The following MROH2B variants were observed in gnomAD, a reference collection of about 807,000 sequenced individuals.
The protein encoded by MROH2B is maestro heat-like repeat-containing protein family member 2B.
MROH2B carries 177 observed loss-of-function variants against 208.6 expected under a neutral mutation model. The ratio of observed to expected loss-of-function variants is 0.85; its 90% CI spans 0.75 to 0.96. The LOEUF (loss-of-function observed/expected upper bound fraction) is 0.96, where lower values mean the gene tolerates loss of function less well. Among genes scored for constraint, MROH2B ranks in the 40% least tolerant of loss-of-function variants. MROH2B has a pLI of 0.00. For synonymous variants in MROH2B, 728 were observed against 659.0 expected (o/e 1.10, Z -1.60); for missense variants, 2,002 against 1,878.7 (o/e 1.07, Z -1.21).
At position 40,998,022 on chromosome 5, in the gene MROH2B, G is replaced by A; in HGVS notation, c.*30C>T. On this transcript the variant is annotated 3_prime_UTR_variant, in exon 42 of 42. Coordinates refer to ENST00000399564, the MANE Select transcript of MROH2B (RefSeq NM_173489.5). ...AGGATGAAGACAGGAGTCAGATATA[G>A]GAAAAGCCAGCAGTTTATTTCTTGA... The A allele has an allele frequency of 1.3e-6, 2 of 1,514,996 alleles. No individual in the cohort carries two copies. Among genetic ancestry groups the A allele is most frequent in the Non-Finnish European group, 1.8e-6 (2 of 1,095,762 alleles). 93.8% of individuals were successfully genotyped at this position (1,514,996 alleles called of 1,614,324 possible). A position where few individuals can be genotyped will look rare whatever the true frequency, so the allele number is the denominator to read the frequency against.
At chr5:41,050,879 T>G in intron 13 of MROH2B, 98 bp downstream of exon 13, 1 of 780,544 alleles carries the variant, frequency 1.3e-6, no homozygotes, top group South Asian at 1.8e-5. Flanking sequence ...AGGAAGCTGA[T>G]GACAAATGGA....
intron 2 of MROH2B, among the ~76,000 whole-genome samples, chr5:41,068,191 T>G (rs1247862613): frequency 1.3e-5 from 2 of 152,204 alleles, no homozygotes; most frequent in Non-Finnish European, 2.9e-5. Context: ...AGTTGTTAAA[T>G]AGCATCCTTT....
At chr5:41,008,457 G>T (rs1325014787) in intron 33 of MROH2B, 149 bp downstream of exon 33, 1 of 810,300 alleles carries the variant, frequency 1.2e-6, no homozygotes, top group Non-Finnish European at 1.9e-6. Flanking sequence ...TGGTGTCACG[G>T]CTTAGGGAGA....
chr5:41,054,473 A>G (rs1743383537), intron 11 of MROH2B, among the ~76,000 whole-genome samples: 1 of 152,184 alleles, frequency 6.6e-6, no homozygotes, highest in Admixed American at 6.5e-5. Flanking sequence ...TGGCATAGTG[A>G]GATACAGTCT....
At chr5:41,028,920 A>G (rs1742472785) in intron 24 of MROH2B, among the ~76,000 whole-genome samples, 2 of 152,044 alleles carry the variant, frequency 1.3e-5, no homozygotes, top group Admixed American at 1.3e-4. Flanking sequence ...CCAATAGGTA[A>G]TTTTTCATCT....
At chr5:41,051,380 G>T in intron 12 of MROH2B, 1 of 225,258 alleles carries the variant, frequency 4.4e-6, no homozygotes, top group Non-Finnish European at 8.6e-6. Flanking sequence ...ATTTTCTTCA[G>T]GGCAAATTTT....
intron 11 of MROH2B, among the ~76,000 whole-genome samples, chr5:41,052,966 A>G (rs1220578762): frequency 2.6e-5 from 4 of 151,796 alleles, no homozygotes; most frequent in Non-Finnish European, 5.9e-5. Context: ...GGGATGCTCA[A>G]CCTGTATAAA....
chr5:41,033,006 T>G (rs1292456991), intron 23 of MROH2B, 35 bp downstream of exon 23: 1 of 1,611,310 alleles, frequency 6.2e-7, no homozygotes, highest in Non-Finnish European at 8.5e-7. Context: ...AATGGAATAC[T>G]CAGGGCCTTT....
intron 24 of MROH2B, among the ~76,000 whole-genome samples, chr5:41,019,246 T>A (rs1214663738): frequency 6.6e-6 from 1 of 152,200 alleles, no homozygotes; most frequent in Non-Finnish European, 1.5e-5. Flanking sequence ...TTAGATTAGA[T>A]TGATGAACAA....
At chr5:41,054,527 C>A (rs553016195) in intron 11 of MROH2B, among the ~76,000 whole-genome samples, 3 of 152,180 alleles carry the variant, frequency 2.0e-5, no homozygotes, top group Non-Finnish European at 4.4e-5. Flanking sequence ...TGATTTCCTG[C>A]AATTATTTTA....
chr5:41,004,857 G>T lies in MROH2B; in HGVS notation c.3928C>A (p.Gln1310Lys), dbSNP rs2111805565. ...NLRNVLILMDQSAWDSNATLR... is the reference protein window; with the variant it reads ...NLRNVLILMDKSAWDSNATLR... ...GTGGCGTTGGAGTCCCAGGCACTTT[G>T]ATCCATCAAGATCAGCACATTTCGC... The change falls in exon 36 of 42, where the codon CAA (glutamine) becomes AAA (lysine). Residue 1310 changes from glutamine to lysine, a missense_variant. Physicochemically the swap from Gln to Lys is moderately conservative, Grantham distance 53. Coordinates refer to ENST00000399564, the MANE Select transcript of MROH2B (RefSeq NM_173489.5). 6.2e-7 allele frequency: 1 copy of T among 1,613,964 alleles called. No homozygotes were observed. Among genetic ancestry groups the T allele is most frequent in the Non-Finnish European group, 8.5e-7 (1 of 1,179,872 alleles).
chr5:41,069,695 T>G lies in MROH2B; in HGVS notation c.86A>C (p.Asn29Thr), dbSNP rs764274471. ...ATTTTTCTCTGTTTTCCCTACCTTG[T>G]TAACAATATCTTCCTTGTTCAGCAT... is the stretch of plus-strand genomic sequence containing the variant. ...LGMLNKEDIVNKEDIYSHLTS... is the reference protein window; with the variant it reads ...LGMLNKEDIVTKEDIYSHLTS... Residue 29 changes from asparagine (N) to threonine (T), a missense_variant, in exon 2 of 42, where the codon AAC (asparagine) becomes ACC (threonine). Physicochemically the swap from Asn to Thr is moderately conservative, Grantham distance 65. Coordinates refer to ENST00000399564, the MANE Select transcript of MROH2B (RefSeq NM_173489.5). The G allele has an allele frequency of 1.2e-6, 2 of 1,603,048 alleles. No homozygotes were observed. Among genetic ancestry groups the G allele is most frequent in the Admixed American group, 3.4e-5 (2 of 58,908 alleles).
At chr5:41,062,731 T>G (rs550350819) in intron 5 of MROH2B, among the ~76,000 whole-genome samples, 6 of 152,296 alleles carry the variant, frequency 3.9e-5, no homozygotes, top group Admixed American at 3.9e-4. Flanking sequence ...GTTATAGCTG[T>G]AGAGCCGGCC....
At position 41,052,578 on chromosome 5, in the gene MROH2B, A is replaced by C; in HGVS notation, c.1117T>G (p.Ser373Ala). ...MGDLSTKVRN[S>A]VLLLIQTMCE... ...ATGGTTTGGATGAGGAGAAGAACAG[A>C]ATTTCTTACCTAGGGTAAGAACAAT... Residue 373 changes from serine (S) to alanine (A), a missense_variant, in exon 12 of 42, where the codon TCT becomes GCT. Transcript: ENST00000399564. 1 of 1,611,076 alleles carries C rather than the reference A, an allele frequency of 6.2e-7. No homozygotes were observed. The highest frequency in any genetic ancestry group is 8.5e-7 in the Non-Finnish European group (1 of 1,178,286).
chr5:41,056,196 G>A (rs1743444154), intron 9 of MROH2B, among the ~76,000 whole-genome samples: 1 of 152,128 alleles, frequency 6.6e-6, no homozygotes, highest in Non-Finnish European at 1.5e-5. Context: ...AGAGACATGG[G>A]GCACAGTGAG....
chr5:41,060,563 C>T (rs957848992), intron 6 of MROH2B, among the ~76,000 whole-genome samples: 2 of 152,150 alleles, frequency 1.3e-5, no homozygotes, highest in Admixed American at 1.3e-4. Context: ...AGGTTTTAGT[C>T]CCTCTGTAGG....
chr5:41,041,308 G>A (rs952105550), intron 19 of MROH2B, among the ~76,000 whole-genome samples: 1 of 151,892 alleles, frequency 6.6e-6, no homozygotes, highest in Admixed American at 6.6e-5. Context: ...ACTATTTTTT[G>A]TTGGTTTATT....
chr5:41,017,847 C>T lies in MROH2B; in HGVS notation c.2884+3G>A. 1 of 1,581,388 alleles carries T rather than the reference C, an allele frequency of 6.3e-7. No homozygotes were observed. Among genetic ancestry groups the T allele is most frequent in the African/African-American group, 1.4e-5 (1 of 74,036 alleles). ...ATTTGTGGGTTCCCCATCTTTCCCT[C>T]ACCTTTTATATAGAACAGACCAATA... On this transcript the variant is annotated splice_donor_region_variant and intron_variant, in intron 28 of 41. Coordinates refer to ENST00000399564, the MANE Select transcript of MROH2B (RefSeq NM_173489.5).
At chr5:41,045,431 C>T (rs1272942992) in intron 18 of MROH2B, among the ~76,000 whole-genome samples, 1 of 152,156 alleles carries the variant, frequency 6.6e-6, no homozygotes, top group Non-Finnish European at 1.5e-5. Context: ...TTAAGCACTG[C>T]TGTTAGCCTT....
Sources: allele counts gnomAD v4.1 joint callset (sites outside exome capture counted in the v4.1 genomes callset), GRCh38; gene constraint gnomAD v4.1.1; transcripts MANE v1.5; gene names NCBI Gene and HGNC (gene_info 2026-07-23, HGNC 2026-07-21).